The following EXOC6B variants were observed in gnomAD, a reference collection of about 807,000 sequenced individuals.
EXOC6B encodes the protein SEC15 homolog B.
A neutral mutation model predicts 113.5 loss-of-function variants in EXOC6B; 54 were observed. The observed-to-expected ratio is 0.48, with a 90% CI of 0.38 to 0.60. The LOEUF (loss-of-function observed/expected upper bound fraction) is 0.60, where lower values mean the gene tolerates loss of function less well. Among genes scored for constraint, EXOC6B ranks in the 20% least tolerant of loss-of-function variants. EXOC6B has a pLI of 0.00. For missense variants in EXOC6B, 797 were observed against 977.5 expected, an observed-to-expected ratio of 0.82 and a Z score of 2.46; for synonymous variants, 357 against 339.0, an observed-to-expected ratio of 1.05 and a Z score of -0.58.
chr2:72,712,231 C>G (rs943819487), intron 6 of EXOC6B, among the ~76,000 whole-genome samples: 1 of 152,068 alleles, frequency 6.6e-6, no homozygotes, highest in East Asian at 1.9e-4. Flanking sequence ...TAAAGTAATT[C>G]TATTTGAGGC....
intron 20 of EXOC6B, among the ~76,000 whole-genome samples, chr2:72,242,600 C>T (rs1373460112): frequency 1.3e-5 from 2 of 152,216 alleles, no homozygotes; most frequent in South Asian, 2.1e-4. Context: ...CAAGAGAAAA[C>T]AGTAACAGAT....
At chr2:72,356,271 T>C (rs2104962871) in intron 19 of EXOC6B, among the ~76,000 whole-genome samples, 1 of 152,348 alleles carries the variant, frequency 6.6e-6, no homozygotes, top group East Asian at 1.9e-4. Context: ...CTAGCTAACA[T>C]GTTGTACTAT....
At chr2:72,345,094 A>ATGGGTTGCTATGGGTTGCCATG (rs1689253827) in intron 19 of EXOC6B, among the ~76,000 whole-genome samples, 1 of 152,086 alleles carries the variant, frequency 6.6e-6, no homozygotes. Context: ...ACTGGGGTTG[A>ATGGGTTGCTATGGGTTGCCATG]GGATGGGTAG....
At chr2:72,653,436 T>G in intron 6 of EXOC6B, among the ~76,000 whole-genome samples, 1 of 140,690 alleles carries the variant, frequency 7.1e-6, no homozygotes. Flanking sequence ...GGGATAGCAT[T>G]AGGAGATATA....
intron 20 of EXOC6B, among the ~76,000 whole-genome samples, chr2:72,227,492 G>A (rs1681318623): frequency 6.6e-6 from 1 of 152,070 alleles, no homozygotes; most frequent in African/African-American, 2.4e-5. Context: ...AGGGTAAACT[G>A]ATATACCATA....
At chr2:72,715,918 A>G (rs11891034) in intron 6 of EXOC6B, among the ~76,000 whole-genome samples, 10,133 of 152,152 alleles carry the variant, frequency 0.067, 1,142 homozygotes, top group African/African-American at 0.23. Flanking sequence ...TTGCCCCCTA[A>G]GGAAGGAGTG....
intron 19 of EXOC6B, among the ~76,000 whole-genome samples, chr2:72,364,725 C>T (rs887278904): frequency 2.0e-5 from 3 of 152,138 alleles, no homozygotes; most frequent in Non-Finnish European, 2.9e-5. Flanking sequence ...ATCATCACTC[C>T]TCCAGAATGT....
chr2:72,584,292 T>A (rs1331868801), intron 6 of EXOC6B, among the ~76,000 whole-genome samples: 2 of 150,854 alleles, frequency 1.3e-5, no homozygotes, highest in African/African-American at 4.9e-5. Flanking sequence ...TGACACCCAT[T>A]GGCTCAAGGG....
chr2:72,371,005 A>T (rs1558601247), intron 19 of EXOC6B, among the ~76,000 whole-genome samples: 1 of 151,386 alleles, frequency 6.6e-6, no homozygotes, highest in Non-Finnish European at 1.5e-5. Context: ...TAATAAAAAT[A>T]TATATATATA....
At chr2:72,246,496 T>G (rs985411657) in intron 20 of EXOC6B, among the ~76,000 whole-genome samples, 6 of 149,414 alleles carry the variant, frequency 4.0e-5, no homozygotes, top group African/African-American at 1.5e-4. Flanking sequence ...CTGGAATAGG[T>G]TAACTAATTG....
chr2:72,272,477 A>G (rs372524254), intron 20 of EXOC6B, among the ~76,000 whole-genome samples: 20 of 152,118 alleles, frequency 1.3e-4, no homozygotes, highest in Admixed American at 1.3e-3. Flanking sequence ...TGTCAAGTAT[A>G]CCTAGGTGCT....
intron 1 of EXOC6B, among the ~76,000 whole-genome samples, chr2:72,787,314 C>T (rs1160108533): frequency 6.6e-6 from 1 of 151,860 alleles, no homozygotes; most frequent in Non-Finnish European, 1.5e-5. Flanking sequence ...TGGGTTCAAG[C>T]AGTTCCTTCA....
chr2:72,652,006 T>C (rs1000237910), intron 6 of EXOC6B, among the ~76,000 whole-genome samples: 53 of 152,220 alleles, frequency 3.5e-4, no homozygotes, highest in Non-Finnish European at 5.9e-5. Flanking sequence ...AAGAATTAAA[T>C]GCCTTCTAAA....
At chr2:72,651,180 T>A (rs944171517) in intron 6 of EXOC6B, among the ~76,000 whole-genome samples, 1 of 152,230 alleles carries the variant, frequency 6.6e-6, no homozygotes, top group African/African-American at 2.4e-5. Flanking sequence ...TTGAGCTAGG[T>A]TAATTAAACT....
chr2:72,347,570 C>T (rs552255749), intron 19 of EXOC6B, among the ~76,000 whole-genome samples: 59 of 151,930 alleles, frequency 3.9e-4, no homozygotes, highest in Middle Eastern at 3.4e-3. Flanking sequence ...AGACACATTA[C>T]AAAAAGAAAC....
chr2:72,701,774 G>A (rs931589925), intron 6 of EXOC6B, among the ~76,000 whole-genome samples: 6 of 152,122 alleles, frequency 3.9e-5, no homozygotes, highest in South Asian at 2.1e-4. Flanking sequence ...CTTCATGGTG[G>A]TGTGCCATAG....
chr2:72,433,001 T>C (rs895301812), intron 18 of EXOC6B, among the ~76,000 whole-genome samples: 2 of 152,232 alleles, frequency 1.3e-5, no homozygotes, highest in Non-Finnish European at 2.9e-5. Flanking sequence ...ATGTGCTGAA[T>C]GGTACTGCCT....
At chr2:72,803,832 A>G (rs1035155813) in intron 1 of EXOC6B, among the ~76,000 whole-genome samples, 2 of 152,206 alleles carry the variant, frequency 1.3e-5, no homozygotes, top group African/African-American at 4.8e-5. Context: ...ATACAAATCT[A>G]CATTGTCTAA....
chr2:72,593,316 C>T (rs192024564), intron 6 of EXOC6B, among the ~76,000 whole-genome samples: 7 of 152,008 alleles, frequency 4.6e-5, no homozygotes, highest in African/African-American at 1.7e-4. Context: ...CATCAGAACC[C>T]CCAATTTGTA....
Sources: gnomAD v4.1 joint callset for allele counts (sites outside exome capture counted in the v4.1 genomes callset) on GRCh38, gnomAD v4.1.1 for gene constraint, MANE v1.5 for transcripts, NCBI Gene and HGNC (gene_info 2026-07-23, HGNC 2026-07-21) for gene names.